PRKAG2: variants seen among roughly 807,000 people sequenced by gnomAD.
PRKAG2 encodes 5'-AMP-activated protein kinase subunit gamma-2.
PRKAG2 carries 26 observed loss-of-function variants against 69.6 expected under a neutral mutation model. That is an observed-to-expected ratio of 0.37 (90% CI 0.27 to 0.52). PRKAG2 has a LOEUF of 0.52. Ranked by LOEUF, PRKAG2 falls within the 20% of genes least tolerant of loss-of-function variation. The pLI is 0.90. For synonymous variants in PRKAG2, 293 were observed against 285.0 expected (o/e 1.03, Z -0.28); for missense variants, 557 against 740.0 (o/e 0.75, Z 2.87).
At chr7:151,871,813 C>T (rs2080225617) in intron 1 of PRKAG2, among the ~76,000 whole-genome samples, 1 of 152,190 alleles carries the variant, frequency 6.6e-6, no homozygotes, top group Non-Finnish European at 1.5e-5. Context: ...TTGCCTCCAA[C>T]ACCCTAGGCC....
chr7:151,736,773 G>A (rs1262743114), intron 3 of PRKAG2, among the ~76,000 whole-genome samples: 1 of 152,206 alleles, frequency 6.6e-6, no homozygotes, highest in East Asian at 1.9e-4. Flanking sequence ...TTAACGGAAG[G>A]TCTTCGGCAA....
intron 4 of PRKAG2, among the ~76,000 whole-genome samples, chr7:151,666,126 A>G (rs946254141): frequency 6.6e-6 from 1 of 152,246 alleles, no homozygotes; most frequent in African/African-American, 2.4e-5. Context: ...ATAACAAATC[A>G]CCAAAAACTC....
chr7:151,643,546 T>C (rs1311314670), intron 4 of PRKAG2, among the ~76,000 whole-genome samples: 1 of 152,246 alleles, frequency 6.6e-6, no homozygotes, highest in Non-Finnish European at 1.5e-5. Flanking sequence ...ACTTCAGTTC[T>C]GCTCTACATA....
At chr7:151,808,916 G>A (rs1309056441) in intron 1 of PRKAG2, among the ~76,000 whole-genome samples, 2 of 152,166 alleles carry the variant, frequency 1.3e-5, no homozygotes, top group African/African-American at 2.4e-5. Flanking sequence ...GGCACTTAAA[G>A]CTCCTCACGC....
At chr7:151,802,943 C>T (rs1425547767) in intron 1 of PRKAG2, among the ~76,000 whole-genome samples, 3 of 61,292 alleles carry the variant, frequency 4.9e-5, no homozygotes, top group Non-Finnish European at 8.8e-5. Flanking sequence ...TATATATAAG[C>T]AATATGATAT....
At chr7:151,716,594 C>A (rs79913076) in intron 3 of PRKAG2, among the ~76,000 whole-genome samples, 7,119 of 152,076 alleles carry the variant, frequency 0.047, 320 homozygotes, top group East Asian at 0.12. Flanking sequence ...GCATAATAAT[C>A]CCTTAGGAAG....
intron 1 of PRKAG2, among the ~76,000 whole-genome samples, chr7:151,842,622 TGATGGTAGC>T (rs2079334535): frequency 1.0e-5 from 1 of 98,416 alleles, no homozygotes; most frequent in Non-Finnish European, 2.0e-5. Flanking sequence ...TAGGTAGTGA[TGATGGTAGC>T]GATGGTAGGG....
At chr7:151,865,689 A>G (rs1370582657) in intron 1 of PRKAG2, among the ~76,000 whole-genome samples, 2 of 152,240 alleles carry the variant, frequency 1.3e-5, no homozygotes, top group East Asian at 3.8e-4. Flanking sequence ...CAAAAACAAC[A>G]AACTGAGAAA....
chr7:151,809,466 G>C (rs565177957), intron 1 of PRKAG2: 47 of 319,794 alleles, frequency 1.5e-4, no homozygotes, highest in African/African-American at 9.0e-4. Context: ...CTCAGCACAG[G>C]AACGGTGCCT....
intron 3 of PRKAG2, among the ~76,000 whole-genome samples, chr7:151,725,790 T>C (rs1312377818): frequency 2.0e-5 from 3 of 152,176 alleles, no homozygotes; most frequent in Non-Finnish European, 4.4e-5. Flanking sequence ...GTCTGCACCC[T>C]GCCTGTGCCC....
At chr7:151,642,165 C>A (rs185175225) in intron 4 of PRKAG2, among the ~76,000 whole-genome samples, 56 of 151,194 alleles carry the variant, frequency 3.7e-4, no homozygotes, top group Non-Finnish European at 6.2e-4. Flanking sequence ...GAAACACTGT[C>A]TCTGCTAAAA....
At chr7:151,842,022 T>C (rs527331294) in intron 1 of PRKAG2, among the ~76,000 whole-genome samples, 15 of 118,722 alleles carry the variant, frequency 1.3e-4, no homozygotes, top group Admixed American at 1.1e-3. Flanking sequence ...TGATGGTAGG[T>C]AGGGATGGTA....
chr7:151,752,923 C>T (rs969662191), intron 3 of PRKAG2, among the ~76,000 whole-genome samples: 3 of 152,238 alleles, frequency 2.0e-5, no homozygotes, highest in East Asian at 1.9e-4. Flanking sequence ...TGGCAGACGC[C>T]CCCTTCACCA....
rs572920917 is a variant in PRKAG2, at chr7:151,850,453, G to A, written c.114+26054C>T. Among the ~76,000 whole-genome samples, 11 of 152,318 alleles carry A rather than the reference G, an allele frequency of 7.2e-5. No homozygotes were observed. The highest frequency in any genetic ancestry group is 2.6e-4 in the African/African-American group (11 of 41,572). ...GGCAACCTGTCCCATGCTCTGCCTC[G>A]AAGCACACGTCATCTGGTGGGCAGC... On this transcript the variant is annotated intron_variant, in intron 1 of 15. Coordinates refer to ENST00000287878, the MANE Select transcript of PRKAG2 (RefSeq NM_016203.4). The surrounding 1 kb of genome is among the most constrained non-coding windows in gnomAD (Gnocchi z 4.1).
chr7:151,836,776 G>C lies in PRKAG2; in HGVS notation c.114+39731C>G, dbSNP rs2079156279. ...CTCGGGTCCCCTGCCCTCTCCTCCT[G>C]GCAGGTTCTCTGGCTTTAGGCATTA... On this transcript the variant is annotated intron_variant, in intron 1 of 15. Transcript: ENST00000287878. The surrounding 1 kb of genome is among the most constrained non-coding windows in gnomAD (Gnocchi z 4.1). Among the ~76,000 whole-genome samples the C allele has an allele frequency of 6.6e-6, 1 of 152,156 alleles. No homozygotes were observed. Among genetic ancestry groups the C allele is most frequent in the East Asian group, 1.9e-4 (1 of 5,186 alleles).
chr7:151,876,200 C>T (rs2080398824), intron 1 of PRKAG2, among the ~76,000 whole-genome samples: 1 of 152,034 alleles, frequency 6.6e-6, no homozygotes, highest in Non-Finnish European at 1.5e-5. Flanking sequence ...GCACCCGCAC[C>T]CGGCTGGATA....
At chr7:151,618,038 T>G (rs1820587776) in intron 5 of PRKAG2, among the ~76,000 whole-genome samples, 1 of 152,150 alleles carries the variant, frequency 6.6e-6, no homozygotes, top group Non-Finnish European at 1.5e-5. Flanking sequence ...AACTCATAAG[T>G]TGGCTGGGTG....
chr7:151,822,016 C>A (rs2078795664), intron 1 of PRKAG2, among the ~76,000 whole-genome samples: 1 of 152,214 alleles, frequency 6.6e-6, no homozygotes, highest in East Asian at 1.9e-4. Context: ...GGAGGCACCC[C>A]AGTGCGTTCC....
At chr7:151,779,166 A>C (rs912390365) in intron 3 of PRKAG2, among the ~76,000 whole-genome samples, 1 of 152,254 alleles carries the variant, frequency 6.6e-6, no homozygotes, top group Non-Finnish European at 1.5e-5. Flanking sequence ...AAAAGGAGGA[A>C]TACTTTAAGA....
Sources: allele counts gnomAD v4.1 joint callset (sites outside exome capture counted in the v4.1 genomes callset), GRCh38; gene constraint gnomAD v4.1.1; non-coding constraint Gnocchi (gnomAD v3.1); transcripts MANE v1.5; gene names NCBI Gene and HGNC (gene_info 2026-07-23, HGNC 2026-07-21).